HDAC9: variants seen among roughly 807,000 people sequenced by gnomAD.
HDAC9 encodes the protein histone deacetylase 9.
A neutral mutation model predicts 139.4 loss-of-function variants in HDAC9; 41 were observed. The observed-to-expected ratio is 0.29, with a 90% CI of 0.23 to 0.38. HDAC9 has a LOEUF of 0.38. HDAC9 is among the 10% of genes least tolerant of loss of function. The probability of loss-of-function intolerance (pLI) is 1.00; values close to 1 mark genes in which losing one functional copy is unlikely to be tolerated. For missense variants in HDAC9, 1,147 were observed against 1,297.0 expected, an observed-to-expected ratio of 0.88 and a Z score of 1.78; for synonymous variants, 517 against 476.2, an observed-to-expected ratio of 1.09 and a Z score of -1.12.
chr7:18,599,766 G>A (rs1833447726), intron 6 of HDAC9, among the ~76,000 whole-genome samples: 1 of 152,098 alleles, frequency 6.6e-6, no homozygotes, highest in Non-Finnish European at 1.5e-5. Flanking sequence ...TGCAGTCTTT[G>A]TGTGGACATG....
chr7:18,482,968 AC>A (rs1488813811), intron 1 of HDAC9, among the ~76,000 whole-genome samples: 15 of 152,228 alleles, frequency 9.9e-5, no homozygotes, highest in Admixed American at 8.5e-4. Flanking sequence ...ACTCTATAAG[AC>A]AGATTTTTTT....
At chr7:18,689,616 G>C (rs1284123290) in intron 12 of HDAC9, among the ~76,000 whole-genome samples, 1 of 151,970 alleles carries the variant, frequency 6.6e-6, no homozygotes, top group Non-Finnish European at 1.5e-5. Flanking sequence ...CGGTTTTACA[G>C]CAATGTTGTT....
intron 16 of HDAC9, among the ~76,000 whole-genome samples, chr7:18,777,731 T>G (rs1240457011): frequency 6.6e-6 from 1 of 151,944 alleles, no homozygotes; most frequent in Non-Finnish European, 1.5e-5. Flanking sequence ...TTGACCCCAG[T>G]GGTATTCAGA....
chr7:18,594,578 C>T (rs1285736319), intron 6 of HDAC9, among the ~76,000 whole-genome samples: 1 of 151,950 alleles, frequency 6.6e-6, no homozygotes, highest in Non-Finnish European at 1.5e-5. Flanking sequence ...ATCTGATAAT[C>T]TCATGAAGTT....
At chr7:18,291,179 T>C (rs942314828) in intron 1 of HDAC9, among the ~76,000 whole-genome samples, 4 of 152,118 alleles carry the variant, frequency 2.6e-5, no homozygotes, top group African/African-American at 9.7e-5. Flanking sequence ...TAAAGGCTCA[T>C]ACCAGCTCAG....
intron 1 of HDAC9, among the ~76,000 whole-genome samples, chr7:18,412,802 C>T (rs755212115): frequency 1.6e-4 from 25 of 151,946 alleles, no homozygotes; most frequent in Admixed American, 4.6e-4. Context: ...AAGAAAAGGC[C>T]GTCTAGCAAA....
chr7:18,254,984 C>T (rs1229049607), intron 2 of HDAC9, among the ~76,000 whole-genome samples: 1 of 152,028 alleles, frequency 6.6e-6, no homozygotes, highest in Non-Finnish European at 1.5e-5. Context: ...TTTTTATATA[C>T]ACACATATAC....
intron 8 of HDAC9, among the ~76,000 whole-genome samples, chr7:18,640,978 A>G (rs554986681): frequency 2.0e-5 from 3 of 152,176 alleles, no homozygotes; most frequent in African/African-American, 7.2e-5. Flanking sequence ...TTTTGGTTTA[A>G]AGTTCAGCAG....
chr7:18,758,301 A>C (rs1789062373), intron 14 of HDAC9, among the ~76,000 whole-genome samples: 1 of 152,194 alleles, frequency 6.6e-6, no homozygotes, highest in African/African-American at 2.4e-5. Context: ...CTTTACGTAG[A>C]TATCCTTCGG....
At chr7:18,192,847 TA>T (rs1266403943) in intron 2 of HDAC9, among the ~76,000 whole-genome samples, 1 of 152,214 alleles carries the variant, frequency 6.6e-6, no homozygotes, top group Non-Finnish European at 1.5e-5. Flanking sequence ...TTTCTATATA[TA>T]TGTGCATTGT....
chr7:18,608,489 A>T (rs1026336911), intron 6 of HDAC9, among the ~76,000 whole-genome samples: 1 of 151,970 alleles, frequency 6.6e-6, no homozygotes, highest in Non-Finnish European at 1.5e-5. Flanking sequence ...TTCCTCCATT[A>T]TTTCCCACTT....
At chr7:18,493,121 C>T (rs1796487348), upstream of HDAC9, among the ~76,000 whole-genome samples, 1 of 151,860 alleles carries the variant, frequency 6.6e-6, no homozygotes, top group African/African-American at 2.4e-5. Context: ...CTAACTCAGT[C>T]TTCTGGAGTT....
chr7:18,634,944 A>T (rs938642078), intron 8 of HDAC9, among the ~76,000 whole-genome samples: 8 of 152,034 alleles, frequency 5.3e-5, no homozygotes, highest in Admixed American at 5.2e-4. Context: ...TAAGAAATGA[A>T]CTGATATTTA....
At chr7:18,541,107 T>C (rs1812680389) in intron 2 of HDAC9, among the ~76,000 whole-genome samples, 1 of 147,874 alleles carries the variant, frequency 6.8e-6, no homozygotes, top group Admixed American at 6.9e-5. Flanking sequence ...CAGCTGGAAA[T>C]AGCATTAAGT....
intron 6 of HDAC9, among the ~76,000 whole-genome samples, chr7:18,605,282 C>A (rs1583996807): frequency 6.6e-6 from 1 of 152,156 alleles, no homozygotes; most frequent in East Asian, 1.9e-4. Context: ...TATAACCTTA[C>A]AACTAAATTT....
chr7:18,962,308 T>C (rs1783577901), intron 24 of HDAC9, among the ~76,000 whole-genome samples: 1 of 152,158 alleles, frequency 6.6e-6, no homozygotes, highest in Admixed American at 6.5e-5. Context: ...ATTTTCCCAC[T>C]ATTAACCCTG....
chr7:18,482,728 G>A (rs921442574), intron 1 of HDAC9, among the ~76,000 whole-genome samples: 5 of 151,962 alleles, frequency 3.3e-5, no homozygotes, highest in South Asian at 2.1e-4. Flanking sequence ...CTGGGCCATC[G>A]AATCAAAGCA....
chr7:18,955,131 T>C (rs1473197096), intron 24 of HDAC9, among the ~76,000 whole-genome samples: 1 of 152,146 alleles, frequency 6.6e-6, no homozygotes, highest in African/African-American at 2.4e-5. Context: ...AAACTATGAA[T>C]TTTGAAGACT....
intron 23 of HDAC9, among the ~76,000 whole-genome samples, chr7:18,950,486 G>A (rs748886302): frequency 6.6e-6 from 1 of 152,016 alleles, no homozygotes; most frequent in Non-Finnish European, 1.5e-5. Flanking sequence ...GTTAGCTATG[G>A]TGAGCAGAAT....
Sources: gnomAD v4.1 joint callset for allele counts (sites outside exome capture counted in the v4.1 genomes callset) on GRCh38, gnomAD v4.1.1 for gene constraint, MANE v1.5 for transcripts, NCBI Gene and HGNC (gene_info 2026-07-23, HGNC 2026-07-21) for gene names.